The following AKAP6 variants were observed in gnomAD, a reference collection of about 807,000 sequenced individuals.
AKAP6 encodes A-kinase anchoring protein 6.
A neutral mutation model predicts 188.5 loss-of-function variants in AKAP6; 58 were observed. That is an observed-to-expected ratio of 0.31 (90% CI 0.25 to 0.38). The LOEUF is 0.38. Ranked by LOEUF, AKAP6 falls within the 10% of genes least tolerant of loss-of-function variation. The pLI is 1.00. For missense variants in AKAP6, 2,710 were observed against 2,740.0 expected (o/e 0.99, Z 0.24); for synonymous variants, 989 against 998.6 (o/e 0.99, Z 0.18).
chr14:32,572,117 T>G (rs1195689441), intron 4 of AKAP6, among the ~76,000 whole-genome samples: 1 of 152,144 alleles, frequency 6.6e-6, no homozygotes, highest in Non-Finnish European at 1.5e-5. Context: ...TCTGATAATT[T>G]GTCTGCAGGA....
intron 9 of AKAP6, among the ~76,000 whole-genome samples, chr14:32,697,767 CAATT>C (rs1890462925): frequency 6.6e-6 from 1 of 152,230 alleles, no homozygotes; most frequent in East Asian, 1.9e-4. Context: ...ATTTACATCA[CAATT>C]AATAGGAAAT....
intron 12 of AKAP6, 132 bp from the exon 13 acceptor site, chr14:32,821,270 A>G (rs2034511380): frequency 2.2e-6 from 2 of 911,208 alleles, no homozygotes; most frequent in African/African-American, 3.4e-5. Flanking sequence ...AGAGTTGATA[A>G]TTAGGCCGTC....
intron 9 of AKAP6, among the ~76,000 whole-genome samples, chr14:32,727,737 C>G (rs1034658880): frequency 1.3e-5 from 2 of 152,102 alleles, no homozygotes; most frequent in African/African-American, 2.4e-5. Context: ...TCAGGAAAAC[C>G]TATTATTAAT....
intron 1 of AKAP6, among the ~76,000 whole-genome samples, chr14:32,402,689 G>T (rs2138619819): frequency 6.6e-6 from 1 of 151,542 alleles, no homozygotes; most frequent in African/African-American, 2.4e-5. Context: ...GCAGTGTTTT[G>T]CACATAGCAG....
chr14:32,357,656 C>A (rs973935895), intron 1 of AKAP6, among the ~76,000 whole-genome samples: 1 of 152,178 alleles, frequency 6.6e-6, no homozygotes, highest in Non-Finnish European at 1.5e-5. Flanking sequence ...ACATGTGGCA[C>A]CTTTATGAAA....
chr14:32,793,376 C>T (rs980215853), intron 12 of AKAP6, among the ~76,000 whole-genome samples: 1 of 151,952 alleles, frequency 6.6e-6, no homozygotes, highest in Non-Finnish European at 1.5e-5. Flanking sequence ...GTTGCAATCC[C>T]AGTTTCTGAC....
intron 2 of AKAP6, among the ~76,000 whole-genome samples, chr14:32,527,746 A>G (rs941375608): frequency 2.0e-5 from 3 of 151,524 alleles, no homozygotes; most frequent in Non-Finnish European, 2.9e-5. Flanking sequence ...TCATCTGTCT[A>G]TTTTCTTTGG....
intron 12 of AKAP6, among the ~76,000 whole-genome samples, chr14:32,777,501 C>G (rs1043270822): frequency 3.3e-5 from 5 of 151,978 alleles, no homozygotes; most frequent in African/African-American, 1.2e-4. Flanking sequence ...AAATATCTAC[C>G]TGAAATCACA....
At chr14:32,775,261 G>C (rs2033021535) in intron 12 of AKAP6, among the ~76,000 whole-genome samples, 1 of 152,004 alleles carries the variant, frequency 6.6e-6, no homozygotes, top group South Asian at 2.1e-4. Context: ...TCGTGGTAGT[G>C]GCCATAAGAT....
Position 32,635,318 on chromosome 14 carries a change from A to G in AKAP6, c.2730+34526A>G, listed in dbSNP as rs563207716. On this transcript the variant is annotated intron_variant, in intron 7 of 13. Coordinates refer to ENST00000280979, the MANE Select transcript of AKAP6 (RefSeq NM_004274.5). ...TTGCTGTATGAGTCATAGTTAGAGT[A>G]AAAATCCTTGCTTCAGGGATTAACA... is the stretch of plus-strand genomic sequence containing the variant. Among the ~76,000 whole-genome samples, 20 of 152,212 alleles carry G rather than the reference A, an allele frequency of 1.3e-4. No individual in the cohort carries two copies. The South Asian group carries it at 2.1e-3, about 16-fold the overall frequency.
Position 32,833,329 on chromosome 14 carries a change from G to GTA in AKAP6, c.*3525_*3526insAT, listed in dbSNP as rs763765567. 3.3e-5 allele frequency: 5 copies of GTA among 152,208 alleles called. No individual in the cohort carries two copies. The highest frequency in any genetic ancestry group is 9.7e-5 in the African/African-American group (4 of 41,450). 9.4% of individuals were successfully genotyped at this position (152,208 alleles called of 1,614,324 possible). A position where few individuals can be genotyped will look rare whatever the true frequency, so the allele number is the denominator to read the frequency against. ...AGTGCCTTTTGTGTCCTTGAATAGAGTGATTATGACTTTTGTCTCAATTAA... is the reference window on the plus strand; with the variant it reads ...AGTGCCTTTTGTGTCCTTGAATAGAGTATGATTATGACTTTTGTCTCAATTAA... On this transcript the variant is annotated 3_prime_UTR_variant, in exon 14 of 14. Transcript: ENST00000280979.
chr14:32,457,308 T>C (rs1891178528), intron 2 of AKAP6, among the ~76,000 whole-genome samples: 1 of 152,156 alleles, frequency 6.6e-6, no homozygotes, highest in African/African-American at 2.4e-5. Flanking sequence ...CCCTTGGCAA[T>C]GGACATTTTT....
chr14:32,725,520 G>C (rs761039297), intron 9 of AKAP6, among the ~76,000 whole-genome samples: 1 of 151,972 alleles, frequency 6.6e-6, no homozygotes, highest in Non-Finnish European at 1.5e-5. Context: ...ACCATTTCAG[G>C]AATGTTGATT....
intron 2 of AKAP6, among the ~76,000 whole-genome samples, chr14:32,453,049 G>A (rs993702862): frequency 9.9e-5 from 15 of 152,164 alleles, no homozygotes; most frequent in African/African-American, 3.6e-4. Context: ...GGTAACATGA[G>A]CTTTAAAGAC....
intron 7 of AKAP6, among the ~76,000 whole-genome samples, chr14:32,618,717 T>C (rs2139410477): frequency 6.6e-6 from 1 of 152,310 alleles, no homozygotes; most frequent in South Asian, 2.1e-4. Context: ...TACCCAGTAG[T>C]GGGATTGCTG....
intron 12 of AKAP6, among the ~76,000 whole-genome samples, chr14:32,775,792 AG>A (rs1413115591): frequency 6.6e-6 from 1 of 152,178 alleles, no homozygotes; most frequent in Non-Finnish European, 1.5e-5. Flanking sequence ...TGCTTCTTAA[AG>A]GTTCAAGCTA....
At chr14:32,726,068 C>T (rs2030856079) in intron 9 of AKAP6, 1 of 405,684 alleles carries the variant, frequency 2.5e-6, no homozygotes, top group Non-Finnish European at 3.3e-6. Context: ...TATTTCTGTG[C>T]AGTCATTTTG....
intron 1 of AKAP6, among the ~76,000 whole-genome samples, chr14:32,416,475 A>G (rs1889661085): frequency 6.6e-6 from 1 of 152,172 alleles, no homozygotes; most frequent in African/African-American, 2.4e-5. Flanking sequence ...CCCATTCTAC[A>G]GGCTGTCTTT....
intron 7 of AKAP6, among the ~76,000 whole-genome samples, chr14:32,651,119 T>C (rs934259268): frequency 1.3e-5 from 2 of 152,190 alleles, no homozygotes; most frequent in Non-Finnish European, 2.9e-5. Context: ...TGACTGGTCA[T>C]AGGAATCTGT....
Sources: allele counts gnomAD v4.1 joint callset (sites outside exome capture counted in the v4.1 genomes callset), GRCh38; gene constraint gnomAD v4.1.1; transcripts MANE v1.5; gene names NCBI Gene and HGNC (gene_info 2026-07-23, HGNC 2026-07-21).